The following REC114 variants were observed in gnomAD, a reference collection of about 807,000 sequenced individuals.
The protein encoded by REC114 is meiotic recombination protein REC114.
In REC114, 27 loss-of-function variants were observed where a neutral mutation model predicts 31.3. The ratio of observed to expected loss-of-function variants is 0.86; its 90% CI spans 0.64 to 1.19. The LOEUF (loss-of-function observed/expected upper bound fraction) is 1.19, where lower values mean the gene tolerates loss of function less well. Ranked by LOEUF, REC114 falls within the 50% of genes most tolerant of loss-of-function variation. The pLI is 0.00. For synonymous variants in REC114, 134 were observed against 127.7 expected (o/e 1.05, Z -0.33); for missense variants, 344 against 326.9 (o/e 1.05, Z -0.40).
chr15:73,528,499 A>G (rs1050788590), intron 2 of REC114, among the ~76,000 whole-genome samples: 1 of 152,210 alleles, frequency 6.6e-6, no homozygotes, highest in Non-Finnish European at 1.5e-5. Context: ...AAAACACACC[A>G]TGGAGATACA....
At chr15:73,554,333 C>A (rs190181145) in intron 4 of REC114, among the ~76,000 whole-genome samples, 347 of 152,326 alleles carry the variant, frequency 2.3e-3, no homozygotes, top group African/African-American at 8.1e-3. Flanking sequence ...TTCTCAGAAT[C>A]CGTCTTAAGC....
intron 1 of REC114, among the ~76,000 whole-genome samples, chr15:73,473,590 TTCTTTC>T (rs1893165025): frequency 1.3e-5 from 2 of 152,186 alleles, no homozygotes; most frequent in Non-Finnish European, 2.9e-5. Context: ...TAATCTGATA[TTCTTTC>T]TGTTTCAAAA....
chr15:73,459,869 AGG>A (rs1327139805), intron 1 of REC114, among the ~76,000 whole-genome samples: 1 of 152,314 alleles, frequency 6.6e-6, no homozygotes, highest in Admixed American at 6.5e-5. Flanking sequence ...AGGTAGAATA[AGG>A]GTGGATAGGT....
At chr15:73,546,090 G>A (rs1306822358) in intron 3 of REC114, among the ~76,000 whole-genome samples, 1 of 152,040 alleles carries the variant, frequency 6.6e-6, no homozygotes, top group East Asian at 1.9e-4. Flanking sequence ...ATGGCTAAGG[G>A]CATGAATAGG....
At chr15:73,476,223 T>A (rs1490273996) in intron 2 of REC114, among the ~76,000 whole-genome samples, 2 of 152,224 alleles carry the variant, frequency 1.3e-5, no homozygotes, top group African/African-American at 2.4e-5. Flanking sequence ...TAATCTTTTT[T>A]AAAATTATTT....
chr15:73,474,009 G>A (rs185198957), intron 2 of REC114, 88 bp downstream of exon 2: 2 of 821,464 alleles, frequency 2.4e-6, no homozygotes, highest in African/African-American at 1.7e-5. Flanking sequence ...AGCTTCTTCA[G>A]TCTCACTGTA....
intron 2 of REC114, among the ~76,000 whole-genome samples, chr15:73,504,408 C>T (rs1169625862): frequency 1.3e-5 from 2 of 152,024 alleles, no homozygotes; most frequent in Non-Finnish European, 2.9e-5. Flanking sequence ...TACCAGTTGT[C>T]CTTATACTAA....
chr15:73,513,952 T>C (rs2141316243), intron 2 of REC114, among the ~76,000 whole-genome samples: 1 of 152,226 alleles, frequency 6.6e-6, no homozygotes, highest in Admixed American at 6.5e-5. Flanking sequence ...GCAGGCCTCC[T>C]TGAACTGTGG....
chr15:73,463,174 T>G (rs1363929296), intron 1 of REC114, among the ~76,000 whole-genome samples: 2 of 152,190 alleles, frequency 1.3e-5, no homozygotes, highest in Non-Finnish European at 2.9e-5. Context: ...GATTGGTGTA[T>G]CTTTTAATTT....
chr15:73,544,550 A>T (rs1566948875), intron 3 of REC114, among the ~76,000 whole-genome samples: 1 of 152,166 alleles, frequency 6.6e-6, no homozygotes, highest in Non-Finnish European at 1.5e-5. Flanking sequence ...AATTCTGATC[A>T]AATAGGGGGC....
chr15:73,510,107 T>C (rs1337434423), intron 2 of REC114, among the ~76,000 whole-genome samples: 3 of 152,082 alleles, frequency 2.0e-5, no homozygotes, highest in Non-Finnish European at 4.4e-5. Context: ...TTGTATCCTC[T>C]TTTATTTCTT....
rs577211252 is a variant in REC114, at chr15:73,539,698, A to C, written c.250-787A>C. On this transcript the variant is annotated intron_variant, in intron 2 of 5. Coordinates refer to ENST00000331090, the MANE Select transcript of REC114 (RefSeq NM_001042367.2). ...GTGGTGGACTAACATTTAAGGGTAG[A>C]CTGGCAGTTTCCATGCAATTTTTGC... Among the ~76,000 whole-genome samples, 4 of 152,028 alleles carry C rather than the reference A, an allele frequency of 2.6e-5. No homozygotes were observed. In the East Asian group the frequency reaches 7.7e-4, roughly 29 times the overall value.
intron 3 of REC114, among the ~76,000 whole-genome samples, chr15:73,541,690 G>C (rs1894238862): frequency 6.6e-6 from 1 of 152,132 alleles, no homozygotes; most frequent in African/African-American, 2.4e-5. Flanking sequence ...AATAGCCCAG[G>C]TTATGACTAG....
chr15:73,523,967 A>G (rs1893972849), intron 2 of REC114, among the ~76,000 whole-genome samples: 1 of 152,206 alleles, frequency 6.6e-6, no homozygotes, highest in Non-Finnish European at 1.5e-5. Flanking sequence ...TCATTGAATT[A>G]TTGTGGCACT....
In REC114 at chr15:73,550,895, T is replaced by C. The variant is rs368693421; in HGVS notation, c.334-43T>C. On this transcript the variant is annotated intron_variant, in intron 3 of 5. Coordinates refer to ENST00000331090, the MANE Select transcript of REC114 (RefSeq NM_001042367.2). Reference sequence around the variant, plus strand: ...TGGAAGACCCCAAAGTAAATAGTTATATGATGAGGGTCTCTCATGATAACT... The same window carrying C: ...TGGAAGACCCCAAAGTAAATAGTTACATGATGAGGGTCTCTCATGATAACT... 32 of 1,585,688 alleles carry C rather than the reference T, an allele frequency of 2.0e-5. No homozygotes were observed. In the South Asian group the frequency reaches 2.1e-4, roughly 10 times the overall value.
chr15:73,482,738 A>G (rs1156765803), intron 2 of REC114, among the ~76,000 whole-genome samples: 3 of 152,202 alleles, frequency 2.0e-5, no homozygotes, highest in Admixed American at 2.0e-4. Context: ...TGATTTATCT[A>G]CCAATGGATG....
intron 2 of REC114, among the ~76,000 whole-genome samples, chr15:73,500,518 A>T (rs1409909080): frequency 1.3e-5 from 2 of 152,186 alleles, no homozygotes; most frequent in African/African-American, 4.8e-5. Flanking sequence ...AGATGGAGGC[A>T]TTGTTCACTG....
intron 1 of REC114, 55 bp from the exon 2 acceptor site, chr15:73,473,777 A>T (rs1893168435): frequency 1.0e-5 from 10 of 978,238 alleles, no homozygotes; most frequent in Non-Finnish European, 1.5e-5. Context: ...TTGTAAGTTT[A>T]TCAGTTATAG....
intron 5 of REC114, among the ~76,000 whole-genome samples, chr15:73,557,143 C>T (rs1894480049): frequency 1.3e-5 from 2 of 151,200 alleles, no homozygotes; most frequent in South Asian, 2.1e-4. Context: ...GATCTTGGCT[C>T]ACTGCAACCT....
Sources: allele counts gnomAD v4.1 joint callset (sites outside exome capture counted in the v4.1 genomes callset), GRCh38; gene constraint gnomAD v4.1.1; transcripts MANE v1.5; gene names NCBI Gene and HGNC (gene_info 2026-07-23, HGNC 2026-07-21).